Variants in TDRD9 observed in about 807,000 individuals in gnomAD.
The protein encoded by TDRD9 is tudor domain containing 9.
Under a neutral mutation model 172.6 loss-of-function variants are expected in TDRD9, and 124 were observed. The ratio of observed to expected loss-of-function variants is 0.72; its 90% CI spans 0.62 to 0.83. TDRD9 has a LOEUF of 0.83. TDRD9 is among the 40% of genes least tolerant of loss of function. The pLI, the probability that TDRD9 is intolerant of heterozygous loss-of-function variation, is 0.00. For synonymous variants in TDRD9, 619 were observed against 617.1 expected (o/e 1.00, Z -0.05); for missense variants, 1,479 against 1,714.1 (o/e 0.86, Z 2.42).
intron 6 of TDRD9, among the ~76,000 whole-genome samples, chr14:103,972,769 A>G (rs969681023): frequency 6.6e-6 from 1 of 152,250 alleles, no homozygotes; most frequent in Non-Finnish European, 1.5e-5. Flanking sequence ...CAGGTGGGGA[A>G]GCTTCTGCCT....
At chr14:104,045,108 A>C (rs1596031199) in intron 34 of TDRD9, among the ~76,000 whole-genome samples, 1 of 151,356 alleles carries the variant, frequency 6.6e-6, no homozygotes, top group Non-Finnish European at 1.5e-5. Flanking sequence ...ACGCCATTGC[A>C]CTCCAGCCTG....
chr14:104,039,593 C>T lies in TDRD9; in HGVS notation c.3717-603C>T, dbSNP rs1045029483. On this transcript the variant is annotated intron_variant, in intron 32 of 35. Coordinates refer to ENST00000409874, the MANE Select transcript of TDRD9 (RefSeq NM_153046.3). ...GGGGAATTGGTCGGAAAGTTGTTAC[C>T]AAGTCCAGGTGAGAAATGGCAGTGG... Among the ~76,000 whole-genome samples the T allele has an allele frequency of 2.6e-5, 4 of 152,136 alleles. No individual in the cohort carries two copies. In the South Asian group the frequency reaches 6.2e-4, roughly 24 times the overall value.
At chr14:104,042,777 TCC>T (rs1350455064) in intron 34 of TDRD9, among the ~76,000 whole-genome samples, 1 of 152,076 alleles carries the variant, frequency 6.6e-6, no homozygotes, top group Non-Finnish European at 1.5e-5. Context: ...AGAGCCAGTC[TCC>T]CTGGGAAGGG....
intron 14 of TDRD9, among the ~76,000 whole-genome samples, chr14:104,004,911 A>T (rs1318338491): frequency 6.6e-6 from 1 of 151,950 alleles, no homozygotes; most frequent in Middle Eastern, 3.2e-3. Flanking sequence ...CTTTATAATG[A>T]GTAATTGTGG....
rs188350486 is a variant in TDRD9, at chr14:104,046,812, A to T, written c.3975-2796A>T. Among the ~76,000 whole-genome samples, 284 of 151,732 alleles carry T rather than the reference A, an allele frequency of 1.9e-3. 1 individual carries two copies. Among genetic ancestry groups the T allele is most frequent in the African/African-American group, 6.7e-3 (277 of 41,378 alleles). ...AGGTGCCCGCCACCACACCTGGCTA[A>T]TTTTTTTGTATTTTTAGTAGAGACG... is the stretch of plus-strand genomic sequence containing the variant. On this transcript the variant is annotated intron_variant, in intron 34 of 35. Transcript: ENST00000409874.
intron 30 of TDRD9, among the ~76,000 whole-genome samples, chr14:104,033,085 T>G (rs2035335415): frequency 2.0e-5 from 3 of 152,084 alleles, no homozygotes; most frequent in Admixed American, 2.0e-4. Flanking sequence ...GGTGCCAAGC[T>G]TGTGGTAGAC....
intron 28 of TDRD9, among the ~76,000 whole-genome samples, chr14:104,028,300 T>C (rs549505269): frequency 6.6e-6 from 1 of 152,314 alleles, no homozygotes; most frequent in South Asian, 2.1e-4. Flanking sequence ...TTAATTTACC[T>C]TCCCACCAAC....
intron 12 of TDRD9, 51 bp from the exon 13 acceptor site, chr14:103,998,573 C>A: frequency 2.1e-6 from 2 of 964,482 alleles, no homozygotes; most frequent in Non-Finnish European, 3.3e-6. Flanking sequence ...ATTTATTATG[C>A]AATGATCTCT....
intron 8 of TDRD9, among the ~76,000 whole-genome samples, chr14:103,986,574 A>T (rs1297716821): frequency 1.3e-5 from 2 of 152,216 alleles, no homozygotes; most frequent in East Asian, 3.8e-4. Context: ...ATAGCCTGAA[A>T]ATAGTTTTTC....
At chr14:103,970,728 G>T (rs78779813) in intron 6 of TDRD9, 107 bp downstream of exon 6, 32 of 811,096 alleles carry the variant, frequency 3.9e-5, no homozygotes, top group Non-Finnish European at 6.2e-5. Flanking sequence ...CTGGGACCCC[G>T]GACAGATACT....
At chr14:104,019,261 C>T (rs1210349553) in intron 23 of TDRD9, among the ~76,000 whole-genome samples, 2 of 152,164 alleles carry the variant, frequency 1.3e-5, no homozygotes, top group Non-Finnish European at 2.9e-5. Flanking sequence ...AGGCTTGGCT[C>T]CCAGAAGATT....
At chr14:103,934,307 TGGCCAAAGTCCA>T (rs2030605867) in intron 1 of TDRD9, among the ~76,000 whole-genome samples, 4 of 152,242 alleles carry the variant, frequency 2.6e-5, no homozygotes, top group African/African-American at 9.6e-5. Context: ...GCCACTGCCC[TGGCCAAAGTCCA>T]CATTTTTAAG....
At chr14:104,019,585 A>G (rs1404747999) in intron 23 of TDRD9, among the ~76,000 whole-genome samples, 1 of 152,196 alleles carries the variant, frequency 6.6e-6, no homozygotes, top group African/African-American at 2.4e-5. Flanking sequence ...TACCAGTACC[A>G]GTTCTTGGGA....
intron 24 of TDRD9, among the ~76,000 whole-genome samples, chr14:104,023,616 A>G (rs2035030311): frequency 6.6e-6 from 1 of 152,256 alleles, no homozygotes; most frequent in African/African-American, 2.4e-5. Context: ...CACCCATGGT[A>G]TTTGTGACAG....
chr14:104,026,190 G>A lies in TDRD9; in HGVS notation c.3021+54G>A. 2.4e-6 allele frequency: 3 copies of A among 1,250,370 alleles called. No homozygotes were observed. In the Admixed American group the frequency reaches 5.1e-5, roughly 21 times the overall value. The allele number at this position is 1,250,370 out of a possible 1,614,324, so 77.5% of individuals were successfully genotyped here. A position where few individuals can be genotyped will look rare whatever the true frequency, so the allele number is the denominator to read the frequency against. On this transcript the variant is annotated intron_variant, in intron 27 of 35. Transcript: ENST00000409874. ...ATGCTGCATGCTGGACAGGATTCCT[G>A]GGTGGATTCCTGGGTCATATGGTGC...
chr14:103,952,301 T>C (rs1302519277), intron 1 of TDRD9, among the ~76,000 whole-genome samples: 2 of 124,884 alleles, frequency 1.6e-5, no homozygotes, highest in African/African-American at 3.1e-5. Context: ...AGTGCAGTGG[T>C]GCGATCTCAG....
rs748613387 is a variant in TDRD9, at chr14:103,991,185, T to G, written c.1141T>G (p.Phe381Val). 1 of 1,613,940 alleles carries G rather than the reference T, an allele frequency of 6.2e-7. No individual in the cohort carries two copies. The highest frequency in any genetic ancestry group is 1.1e-5 in the South Asian group (1 of 91,082). ...SGNKAWSGAQFVLERSSVLVF... is the reference protein window; with the variant it reads ...SGNKAWSGAQVVLERSSVLVF... ...GAACAAGGCTTGGTCGGGGGCCCAG[T>G]TTGTGTTGGAGCGAAGCAGTGTGTT... The change falls in exon 9 of 36, where the codon TTT becomes GTT. Residue 381 changes from phenylalanine (F) to valine (V), a missense_variant. This residue lies in a region of TDRD9 where 1,413 missense variants were observed against 1,649.1 expected (regional missense o/e 0.86). Coordinates refer to ENST00000409874, the MANE Select transcript of TDRD9 (RefSeq NM_153046.3).
intron 22 of TDRD9, among the ~76,000 whole-genome samples, chr14:104,017,767 G>T (rs1367004768): frequency 1.3e-5 from 2 of 152,174 alleles, no homozygotes; most frequent in African/African-American, 4.8e-5. Flanking sequence ...TCCTTATGTA[G>T]AAATATGTTT....
At chr14:104,042,213 C>G (rs1240247702) in intron 34 of TDRD9, 26 bp downstream of exon 34, 1 of 1,485,548 alleles carries the variant, frequency 6.7e-7, no homozygotes, top group African/African-American at 1.4e-5. Context: ...ACGCGGGCTT[C>G]TTTTCTTCCC....
Sources: gnomAD v4.1 joint callset for allele counts (sites outside exome capture counted in the v4.1 genomes callset) on GRCh38, gnomAD v4.1.1 for gene constraint, gnomAD v4.1.1 regional missense constraint, MANE v1.5 for transcripts, NCBI Gene and HGNC (gene_info 2026-07-23, HGNC 2026-07-21) for gene names.